GPC6: variants seen among roughly 807,000 people sequenced by gnomAD.
The protein encoded by GPC6 is glypican 6.
A neutral mutation model predicts 55.2 loss-of-function variants in GPC6; 14 were observed. That is an observed-to-expected ratio of 0.25 (90% confidence interval 0.17 to 0.40). The LOEUF (loss-of-function observed/expected upper bound fraction) is 0.40. GPC6 is among the 10% of genes least tolerant of loss of function. GPC6 has a pLI of 1.00. For synonymous variants in GPC6, 278 were observed against 259.6 expected, an observed-to-expected ratio of 1.07 and a Z score of -0.68; for missense variants, 641 against 708.5, an observed-to-expected ratio of 0.90 and a Z score of 1.08.
At chr13:93,667,869 G>C (rs1305734298) in intron 2 of GPC6, among the ~76,000 whole-genome samples, 1 of 151,958 alleles carries the variant, frequency 6.6e-6, no homozygotes, top group African/African-American at 2.4e-5. Flanking sequence ...GCTTGAGTTA[G>C]AACTTGATCA....
intron 5 of GPC6, 71 bp downstream of exon 5, chr13:94,286,550 A>T: frequency 7.3e-7 from 1 of 1,364,486 alleles, no homozygotes; most frequent in Admixed American, 1.7e-5. Flanking sequence ...AAACGAAGTA[A>T]CTAGATATGT....
intron 2 of GPC6, among the ~76,000 whole-genome samples, chr13:93,676,119 AAAAAAAAATATATATATATATATATATAT>A (rs1267027084): frequency 1.5e-3 from 22 of 14,644 alleles, no homozygotes; most frequent in South Asian, 3.4e-3. Flanking sequence ...AAAAAAAAAA[AAAAAAAAATATATATATATATATATATAT>A]ATATATATAT....
chr13:93,736,546 T>C (rs1190837409), intron 2 of GPC6, among the ~76,000 whole-genome samples: 1 of 152,210 alleles, frequency 6.6e-6, no homozygotes, highest in East Asian at 1.9e-4. Flanking sequence ...ATCTTCTTTT[T>C]ACATAATAAC....
intron 4 of GPC6, among the ~76,000 whole-genome samples, chr13:94,228,085 G>A (rs1039556162): frequency 6.6e-6 from 1 of 152,138 alleles, no homozygotes; most frequent in Non-Finnish European, 1.5e-5. Context: ...ATTGTTCCGT[G>A]GGACAAGATT....
intron 1 of GPC6, among the ~76,000 whole-genome samples, chr13:93,241,012 T>A (rs1310322770): frequency 1.3e-5 from 2 of 152,168 alleles, no homozygotes; most frequent in Admixed American, 1.3e-4. Context: ...AGTCTGCCAT[T>A]AGTCTGACAG....
intron 1 of GPC6, among the ~76,000 whole-genome samples, chr13:93,249,688 TA>T (rs1876718977): frequency 6.6e-6 from 1 of 152,226 alleles, no homozygotes. Context: ...TTTCCAGTGG[TA>T]ACTAGCAGAG....
intron 2 of GPC6, among the ~76,000 whole-genome samples, chr13:93,691,193 A>G (rs1400553742): frequency 6.6e-6 from 1 of 152,148 alleles, no homozygotes; most frequent in Non-Finnish European, 1.5e-5. Flanking sequence ...AGGTAACAAA[A>G]TGAAACATCT....
chr13:94,097,214 G>T (rs1885692280), intron 4 of GPC6, among the ~76,000 whole-genome samples: 1 of 151,868 alleles, frequency 6.6e-6, no homozygotes, highest in Non-Finnish European at 1.5e-5. Flanking sequence ...TTATAATGAG[G>T]CAATTGGGCA....
At chr13:93,317,427 G>T (rs1445830768) in intron 1 of GPC6, among the ~76,000 whole-genome samples, 1 of 152,040 alleles carries the variant, frequency 6.6e-6, no homozygotes, top group Admixed American at 6.6e-5. Flanking sequence ...GTTGCTTCAG[G>T]TTGCCTTAGT....
intron 4 of GPC6, among the ~76,000 whole-genome samples, chr13:94,146,901 A>G (rs1038817304): frequency 1.3e-5 from 2 of 152,214 alleles, no homozygotes; most frequent in Non-Finnish European, 2.9e-5. Flanking sequence ...ATAAAGAAAT[A>G]GGTTTATATA....
At chr13:93,315,217 A>G (rs1879207328) in intron 1 of GPC6, among the ~76,000 whole-genome samples, 1 of 152,060 alleles carries the variant, frequency 6.6e-6, no homozygotes, top group Non-Finnish European at 1.5e-5. Context: ...TGTTTATTTA[A>G]AGAGATATGT....
In GPC6 at chr13:93,940,046, G is replaced by C. The variant is rs144642728; in HGVS notation, c.712-87683G>C. On this transcript the variant is annotated intron_variant, in intron 3 of 8. Coordinates refer to ENST00000377047, the MANE Select transcript of GPC6 (RefSeq NM_005708.5). The stretch of plus-strand genomic sequence containing the variant: ...ATGAAAAATAGTTGAAAGAAAATAA[G>C]TCTTTAATCCTTATTCTGAGCTCCC... Among the ~76,000 whole-genome samples the C allele has an allele frequency of 5.5e-3, 841 of 152,180 alleles. 10 individuals are homozygous for C. The highest frequency in any genetic ancestry group is 0.019 in the African/African-American group (803 of 41,542).
chr13:93,355,541 G>A (rs1480903950), intron 1 of GPC6, among the ~76,000 whole-genome samples: 1 of 152,144 alleles, frequency 6.6e-6, no homozygotes. Context: ...AACTCCCATG[G>A]AGAGATCCAC....
chr13:93,250,228 G>A lies in GPC6; in HGVS notation c.160+22612G>A, dbSNP rs1318259243. On this transcript the variant is annotated intron_variant, in intron 1 of 8. Coordinates refer to ENST00000377047, the MANE Select transcript of GPC6 (RefSeq NM_005708.5). ...TAGTATCTGACAAGTACGAAAGGCTGTACACATGCTTGTCAATTAACACAG... is the reference window on the plus strand; with the variant it reads ...TAGTATCTGACAAGTACGAAAGGCTATACACATGCTTGTCAATTAACACAG... Among the ~76,000 whole-genome samples the A allele has an allele frequency of 2.6e-5, 4 of 152,202 alleles. No homozygotes were observed. In the South Asian group the frequency reaches 6.2e-4, roughly 24 times the overall value.
intron 1 of GPC6, among the ~76,000 whole-genome samples, chr13:93,394,221 C>T (rs1166350546): frequency 6.6e-6 from 1 of 152,180 alleles, no homozygotes; most frequent in African/African-American, 2.4e-5. Context: ...TTGTAACTGT[C>T]ATGGAGCTCA....
intron 2 of GPC6, among the ~76,000 whole-genome samples, chr13:93,740,041 T>C (rs1044722903): frequency 3.3e-5 from 5 of 152,168 alleles, no homozygotes; most frequent in Admixed American, 2.0e-4. Context: ...TAAATCATGG[T>C]GTTCCCCTTT....
chr13:93,373,377 G>T (rs541034045), intron 1 of GPC6, among the ~76,000 whole-genome samples: 1 of 152,100 alleles, frequency 6.6e-6, no homozygotes, highest in Non-Finnish European at 1.5e-5. Context: ...ATAGCTTCCT[G>T]GTAGGGCATG....
chr13:94,288,831 G>A (rs1198859672), intron 5 of GPC6, among the ~76,000 whole-genome samples: 2 of 73,904 alleles, frequency 2.7e-5, no homozygotes, highest in Non-Finnish European at 5.2e-5. Context: ...ATATATATTT[G>A]TTATATATAA....
intron 1 of GPC6, among the ~76,000 whole-genome samples, chr13:93,334,857 TAA>T (rs1879991072): frequency 3.3e-5 from 5 of 152,260 alleles, no homozygotes; most frequent in Admixed American, 1.3e-4. Flanking sequence ...TGAATTTTTG[TAA>T]AAGACTTGCA....
Sources: gnomAD v4.1 joint callset for allele counts (sites outside exome capture counted in the v4.1 genomes callset) on GRCh38, gnomAD v4.1.1 for gene constraint, MANE v1.5 for transcripts, NCBI Gene and HGNC (gene_info 2026-07-23, HGNC 2026-07-21) for gene names.